SLC27A3: variants seen among roughly 807,000 people sequenced by gnomAD.
SLC27A3 encodes long-chain fatty acid transport protein 3.
SLC27A3 carries 60 observed loss-of-function variants against 60.1 expected under a neutral mutation model. The ratio of observed to expected loss-of-function variants is 1.00; its 90% CI spans 0.81 to 1.24. SLC27A3 has a LOEUF of 1.24. SLC27A3 is among the 50% of genes most tolerant of loss of function. The pLI is 0.00. For missense variants in SLC27A3, 1,079 were observed against 929.9 expected (o/e 1.16, Z -2.09); for synonymous variants, 455 against 409.0 (o/e 1.11, Z -1.36).
chr1:153,775,613 C>T lies in SLC27A3; in HGVS notation c.116C>T (p.Ala39Val), dbSNP rs1209880499. The T allele has an allele frequency of 4.4e-6, 7 of 1,583,846 alleles. No individual in the cohort carries two copies. Among genetic ancestry groups the T allele is most frequent in the Non-Finnish European group, 6.0e-6 (7 of 1,167,566 alleles). The change falls in exon 1 of 10, where the codon GCT becomes GTT. Residue 39 changes from alanine (A) to valine (V), a missense_variant. Ala to Val is a moderately conservative substitution (Grantham distance 64). Transcript: ENST00000624995. ...LPADLAFAVR[A>V]LCCKRALRAR... The stretch of plus-strand genomic sequence containing the variant: ...GCGGACTTGGCCTTTGCGGTGCGAG[C>T]TCTGTGCTGCAAAAGGGCTCTTCGA...
Position 153,775,447 on chromosome 1 carries a change from A to G in SLC27A3, c.-51A>G, listed in dbSNP as rs776733663. 1.2e-6 allele frequency: 2 copies of G among 1,612,502 alleles called. No homozygotes were observed. The highest frequency in any genetic ancestry group is 3.3e-5 in the Admixed American group (2 of 60,032). Reference sequence around the variant, plus strand: ...AGGTTTTCGGAAGGGAGGATCAGGGATGTTTGCGAGCGGCTGGAACCAGAC... The same window carrying G: ...AGGTTTTCGGAAGGGAGGATCAGGGGTGTTTGCGAGCGGCTGGAACCAGAC... On this transcript the variant is annotated 5_prime_UTR_variant, in exon 1 of 10. It removes an upstream start codon present in the reference 5' UTR. Transcript: ENST00000624995.
rs1140893 is a variant in SLC27A3, at chr1:153,779,120, G to A, written c.1653G>A (p.Lys551=). The A allele has an allele frequency of 4.3e-6, 7 of 1,613,982 alleles. No individual in the cohort carries two copies. The highest frequency in any genetic ancestry group is 5.9e-6 in the Non-Finnish European group (7 of 1,179,972). ...GATCTCTGCTCTCTGACAGGTGGAAGGGGGAGAATGTGGCCACAACCGAGG... is the reference window on the plus strand; with the variant it reads ...GATCTCTGCTCTCTGACAGGTGGAAAGGGGAGAATGTGGCCACAACCGAGG... ...HDRTGDTFRW[K]GENVATTEVA... is the part of the protein sequence containing the mutation. Residue 551 remains lysine, a synonymous_variant, in exon 8 of 10, where the codon AAG becomes AAA. Transcript: ENST00000624995.
At chr1:153,776,487 G>C in intron 1 of SLC27A3, 31 bp from the exon 2 acceptor site, 2 of 1,590,100 alleles carry the variant, frequency 1.3e-6, no homozygotes, top group Non-Finnish European at 1.7e-6. Context: ...TAGAGCCAGG[G>C]CCCCGGCGTT....
Position 153,779,485 on chromosome 1 carries a change from C to T in SLC27A3, c.1875+12C>T. The stretch of plus-strand genomic sequence containing the variant: ...TCCTCAGGCTCCAGGTAACCGGCCA[C>T]TTCCCCCGCCGGCCCCTCACCCCAT... On this transcript the variant is annotated intron_variant, in intron 9 of 9. Transcript: ENST00000624995. 1 of 1,608,472 alleles carries T rather than the reference C, an allele frequency of 6.2e-7. No homozygotes were observed. Among genetic ancestry groups the T allele is most frequent in the Non-Finnish European group, 8.5e-7 (1 of 1,177,958 alleles).
In SLC27A3 at chr1:153,779,077, C is replaced by A. The variant is rs1285003705; in HGVS notation, c.1647-37C>A. ...CCCACCAAGCCCATAAGGCCCTGAC[C>A]CCTGACTCCCAGTTTCAGATCTCTG... On this transcript the variant is annotated intron_variant, in intron 7 of 9. Transcript: ENST00000624995. 3.1e-6 allele frequency: 5 copies of A among 1,605,148 alleles called. No individual in the cohort carries two copies. The Admixed American group carries it at 6.7e-5, about 21-fold the overall frequency.
chr1:153,778,476 TCTC>T lies in SLC27A3; in HGVS notation c.1373_1375del (p.Ser458del), dbSNP rs760101611. 4 of 1,614,096 alleles carry T rather than the reference TCTC, an allele frequency of 2.5e-6. No homozygotes were observed. Among genetic ancestry groups the T allele is most frequent in the South Asian group, 2.2e-5 (2 of 91,080 alleles). On this transcript the variant is annotated inframe_deletion, in exon 6 of 10. Coordinates refer to ENST00000624995, the MANE Select transcript of SLC27A3 (RefSeq NM_024330.4). ...CCCTTTCCCCAGCATATCTTCCCCT[TCTC>T]CTTGATTCGCTATGATGTCACCACA...
Position 153,778,667 on chromosome 1 carries a change from G to A in SLC27A3, c.1448-20G>A, listed in dbSNP as rs757912232. The A allele has an allele frequency of 9.9e-6, 16 of 1,612,352 alleles. No homozygotes were observed. In the Middle Eastern group the frequency reaches 8.2e-4, roughly 83 times the overall value. On this transcript the variant is annotated intron_variant, in intron 6 of 9. Coordinates refer to ENST00000624995, the MANE Select transcript of SLC27A3 (RefSeq NM_024330.4). ...CTCTGGGAAAGGTGACACCACTCCT[G>A]ACCCTGGTGACTCTGCCAGGTGAGC...
Position 153,778,724 on chromosome 1 carries a change from G to A in SLC27A3, c.1485G>A (p.Gln495=), listed in dbSNP as rs35213401. The change falls in exon 7 of 10, where the codon CAG becomes CAA. Residue 495 remains glutamine, a synonymous_variant. Coordinates refer to ENST00000624995, the MANE Select transcript of SLC27A3 (RefSeq NM_024330.4). ...PGLLVAPVSQ[Q]SPFLGYAGGP... ...TGCTGGTGGCCCCGGTAAGCCAGCA[G>A]TCCCCATTCCTGGGCTATGCTGGCG... 1 of 1,613,384 alleles carries A rather than the reference G, an allele frequency of 6.2e-7. No homozygotes were observed. Among genetic ancestry groups the A allele is most frequent in the African/African-American group, 1.3e-5 (1 of 74,914 alleles).
Position 153,778,371 on chromosome 1 carries a change from G to GAA in SLC27A3, c.1356+18_1356+19dup. The GAA allele has an allele frequency of 6.2e-7, 1 of 1,613,772 alleles. No homozygotes were observed. The highest frequency in any genetic ancestry group is 8.5e-7 in the Non-Finnish European group (1 of 1,179,756). On this transcript the variant is annotated intron_variant, in intron 5 of 9. Transcript: ENST00000624995. ...GCTTTACAAGGTGAGGGGCAGAGAG[G>GAA]AAACTGAAAACCCGTGGAACAGCAG...
In SLC27A3 at chr1:153,777,780, A is replaced by C. The variant is rs1458912560; in HGVS notation, c.1056A>C (p.Lys352Asn). The change falls in exon 4 of 10, where the codon AAA becomes AAC. Residue 352 changes from lysine to asparagine, a missense_variant. Physicochemically the swap from Lys to Asn is moderately conservative, Grantham distance 94. Coordinates refer to ENST00000624995, the MANE Select transcript of SLC27A3 (RefSeq NM_024330.4). ...TGGCAGGGGCCACAGTGGTGCTGAAATCCAAGTTCTCGGCTGGTCAGTTCT... is the reference window on the plus strand; with the variant it reads ...TGGCAGGGGCCACAGTGGTGCTGAACTCCAAGTTCTCGGCTGGTCAGTTCT... The part of the protein sequence containing the change: ...CMGIGATVVL[K>N]SKFSAGQFWE... The C allele has an allele frequency of 6.2e-7, 1 of 1,613,980 alleles. No homozygotes were observed. The highest frequency in any genetic ancestry group is 2.2e-5 in the East Asian group (1 of 44,868).
chr1:153,779,722 A>G, intron 9 of SLC27A3, 104 bp from the exon 10 acceptor site: 1 of 1,169,844 alleles, frequency 8.5e-7, no homozygotes, highest in Non-Finnish European at 1.2e-6. Context: ...TTGACCTCAC[A>G]CTCCCTTTCC....
In SLC27A3 at chr1:153,779,105, C is replaced by G. The variant is rs111759261; in HGVS notation, c.1647-9C>G. On this transcript the variant is annotated splice_polypyrimidine_tract_variant and intron_variant, in intron 7 of 9. Transcript: ENST00000624995. The stretch of plus-strand genomic sequence containing the variant: ...TGACTCCCAGTTTCAGATCTCTGCT[C>G]TCTGACAGGTGGAAGGGGGAGAATG... The G allele has an allele frequency of 4.1e-4, 655 of 1,613,886 alleles. 4 individuals carry two copies. The African/African-American group carries it at 7.8e-3, about 19-fold the overall frequency.
intron 1 of SLC27A3, 54 bp downstream of exon 1, chr1:153,776,218 T>C (rs1258753979): frequency 7.1e-7 from 1 of 1,403,636 alleles, no homozygotes; most frequent in East Asian, 2.7e-5. Context: ...GAAGGGGGCG[T>C]GTCGGAGACC....
chr1:153,779,610 G>C, intron 9 of SLC27A3, 137 bp downstream of exon 9: 2 of 1,086,942 alleles, frequency 1.8e-6, no homozygotes, highest in Non-Finnish European at 2.6e-6. Context: ...TCCGTGAAGA[G>C]AAAAAACACG....
rs1283557484 is a variant in SLC27A3 at position 153,775,614 on chromosome 1, T to A, written c.117T>A (p.Ala39=). The A allele has an allele frequency of 1.3e-6, 2 of 1,584,122 alleles. No homozygotes were observed. The highest frequency in any genetic ancestry group is 2.2e-5 in the South Asian group (2 of 89,090). ...LPADLAFAVR[A]LCCKRALRAR... is the part of the protein sequence containing the mutation. ...CGGACTTGGCCTTTGCGGTGCGAGCTCTGTGCTGCAAAAGGGCTCTTCGAG... is the reference window on the plus strand; with the variant it reads ...CGGACTTGGCCTTTGCGGTGCGAGCACTGTGCTGCAAAAGGGCTCTTCGAG... The change falls in exon 1 of 10, where the codon GCT becomes GCA. Residue 39 remains alanine (A), a synonymous_variant. Transcript: ENST00000624995.
At position 153,777,233 on chromosome 1, in the gene SLC27A3, A is replaced by G; in HGVS notation, c.1036+13A>G. 1 of 1,613,984 alleles carries G rather than the reference A, an allele frequency of 6.2e-7. No homozygotes were observed. Among genetic ancestry groups the G allele is most frequent in the Non-Finnish European group, 8.5e-7 (1 of 1,179,852 alleles). On this transcript the variant is annotated intron_variant, in intron 3 of 9. Coordinates refer to ENST00000624995, the MANE Select transcript of SLC27A3 (RefSeq NM_024330.4). The stretch of plus-strand genomic sequence containing the variant: ...TGCATGGGCATTGGTCAGTCTCCCC[A>G]ACCCCACCTTCATTAATTCATCCAG...
At chr1:153,779,601 C>A in intron 9 of SLC27A3, 128 bp downstream of exon 9, 2 of 1,140,972 alleles carry the variant, frequency 1.8e-6, no homozygotes, top group Non-Finnish European at 2.5e-6. Context: ...GTAATACACT[C>A]CGTGAAGAGA....
chr1:153,776,223 G>A, intron 1 of SLC27A3, 59 bp downstream of exon 1: 1 of 1,403,884 alleles, frequency 7.1e-7, no homozygotes, highest in Non-Finnish European at 9.2e-7. Context: ...GGGCGTGTCG[G>A]AGACCACAGA....
At chr1:153,778,957 C>G in intron 7 of SLC27A3, 72 bp downstream of exon 7, 1 of 1,523,036 alleles carries the variant, frequency 6.6e-7, no homozygotes, top group Non-Finnish European at 9.1e-7. Context: ...AACCTCAACT[C>G]TCTAATCTGC....
Sources: gnomAD v4.1 joint callset for allele counts on GRCh38, gnomAD v4.1.1 for gene constraint, MANE v1.5 for transcripts, NCBI Gene and HGNC (gene_info 2026-07-23, HGNC 2026-07-21) for gene names.